The following MPP3 variants were observed in gnomAD, a reference collection of about 807,000 sequenced individuals.
MPP3 encodes MAGUK p55 subfamily member 3.
A neutral mutation model predicts 80.7 loss-of-function variants in MPP3; 48 were observed. The ratio of observed to expected loss-of-function variants is 0.59; its 90% CI spans 0.47 to 0.76. The LOEUF (loss-of-function observed/expected upper bound fraction) is 0.76, where lower values mean the gene tolerates loss of function less well. MPP3 is among the 30% of genes least tolerant of loss of function. The pLI is 0.00. For synonymous variants in MPP3, 311 were observed against 297.6 expected (o/e 1.04, Z -0.46); for missense variants, 620 against 763.0 (o/e 0.81, Z 2.21).
chr17:43,817,855 A>T, intron 12 of MPP3, 191 bp downstream of exon 12: 1 of 425,298 alleles, frequency 2.4e-6, no homozygotes, highest in Non-Finnish European at 4.3e-6. Flanking sequence ...CTCCAAATAT[A>T]CAAGCTCCTC....
At chr17:43,825,983 G>T (rs989866706) in intron 8 of MPP3, 142 bp from the exon 9 acceptor site, 19 of 623,494 alleles carry the variant, frequency 3.0e-5, no homozygotes, top group South Asian at 2.5e-4. Context: ...TGGGACTGGG[G>T]CGAACTAAGC....
At position 43,829,086 on chromosome 17, in the gene MPP3, C is replaced by T. The variant is rs2045843596; in HGVS notation, c.441+568G>A. ...TCATAAACAACGCTGTCCCTTTGCT[C>T]GGTAAATCAATGCTGAACCAGGACC... On this transcript the variant is annotated intron_variant, in intron 7 of 19. Coordinates refer to ENST00000398389, the MANE Select transcript of MPP3 (RefSeq NM_001932.6). 2.0e-5 allele frequency among the ~76,000 whole-genome samples: 3 copies of T among 152,316 alleles called. No individual in the cohort carries two copies. The South Asian group carries it at 6.2e-4, about 32-fold the overall frequency.
At chr17:43,830,680 C>T (rs2045919859) in intron 5 of MPP3, among the ~76,000 whole-genome samples, 1 of 152,214 alleles carries the variant, frequency 6.6e-6, no homozygotes. Flanking sequence ...CCACAAGCTG[C>T]ACTCATCCCT....
At chr17:43,823,565 A>G (rs979190773) in intron 10 of MPP3, among the ~76,000 whole-genome samples, 1 of 152,264 alleles carries the variant, frequency 6.6e-6, no homozygotes, top group Non-Finnish European at 1.5e-5. Context: ...CCTGGCACAG[A>G]GTAGGTGACC....
rs2045880029 is a variant in MPP3 at position 43,829,835 on chromosome 17, C to T, written c.304-44G>A. 2.5e-6 allele frequency: 4 copies of T among 1,611,754 alleles called. No individual in the cohort carries two copies. The East Asian group carries it at 8.9e-5, about 36-fold the overall frequency. ...AAAAGGAAGGCTGGCCCGCCGCTCA[C>T]AGGGTCAGCAGGCCGCAGCTGGCCG... On this transcript the variant is annotated intron_variant, in intron 6 of 19. Coordinates refer to ENST00000398389, the MANE Select transcript of MPP3 (RefSeq NM_001932.6).
At chr17:43,829,538 G>A in intron 7 of MPP3, 116 bp downstream of exon 7, 2 of 1,259,450 alleles carry the variant, frequency 1.6e-6, no homozygotes, top group East Asian at 2.5e-5. Context: ...CAGCAGCGCA[G>A]GCAAAGCTGC....
chr17:43,815,040 C>T (rs556446038), intron 14 of MPP3, among the ~76,000 whole-genome samples: 14 of 152,232 alleles, frequency 9.2e-5, no homozygotes, highest in Admixed American at 3.9e-4. Flanking sequence ...TACTTCAGGA[C>T]AAAAGTTAAG....
chr17:43,807,684 G>A (rs376967488), intron 19 of MPP3, among the ~76,000 whole-genome samples: 2 of 152,026 alleles, frequency 1.3e-5, no homozygotes, highest in African/African-American at 4.8e-5. Flanking sequence ...GACCAGATAC[G>A]GTGGCTCACA....
chr17:43,825,596 AC>A (rs2045656503), intron 9 of MPP3, 159 bp downstream of exon 9: 2 of 584,900 alleles, frequency 3.4e-6, no homozygotes, highest in East Asian at 2.9e-5. Flanking sequence ...GCCACCCCAT[AC>A]CCCGGGCACA....
chr17:43,808,965 T>C lies in MPP3; in HGVS notation c.1572A>G (p.Ala524=). The C allele has an allele frequency of 6.3e-7, 1 of 1,597,952 alleles. No individual in the cohort carries two copies. The highest frequency in any genetic ancestry group is 8.5e-7 in the Non-Finnish European group (1 of 1,176,172). ...PPMSPACEDT[A]APFDEQQQEM... is the part of the protein sequence containing the mutation. ...TCAACTTTAAACTTACAAATGGGGC[T>C]GCTGTGTCCTCACAAGCTGGGGACA... is the stretch of plus-strand genomic sequence containing the variant. The change falls in exon 19 of 20, where the codon GCA becomes GCG. Residue 524 remains alanine (A), a synonymous_variant. Transcript: ENST00000398389.
chr17:43,822,199 C>T (rs577781864), intron 10 of MPP3, among the ~76,000 whole-genome samples: 25 of 152,266 alleles, frequency 1.6e-4, no homozygotes, highest in South Asian at 8.3e-4. Flanking sequence ...GGGATTTAAC[C>T]AAAGAGCACA....
Position 43,808,999 on chromosome 17 carries a change from G to A in MPP3, c.1538C>T (p.Thr513Met), listed in dbSNP as rs202078532. ...CTCACAAGCTGGGGACATAGGTGGC[G>A]TTTTTCTTTTTTCCTGAATTGCAGG... Reference protein sequence around the residue: ...VKPAIQEKRKTPPMSPACEDT... With the variant: ...VKPAIQEKRKMPPMSPACEDT... Residue 513 changes from threonine to methionine, a missense_variant, in exon 19 of 20, where the codon ACG becomes ATG. Transcript: ENST00000398389. 2.3e-4 allele frequency: 372 copies of A among 1,610,816 alleles called. 1 individual carries two copies. The highest frequency in any genetic ancestry group is 6.1e-4 in the South Asian group (55 of 90,172).
intron 14 of MPP3, among the ~76,000 whole-genome samples, chr17:43,814,933 T>C (rs2045043324): frequency 6.6e-6 from 1 of 152,144 alleles, no homozygotes; most frequent in Non-Finnish European, 1.5e-5. Flanking sequence ...GGAAAGGAAA[T>C]TGAGCAAACA....
At chr17:43,812,437 G>A (rs1203474518) in intron 16 of MPP3, among the ~76,000 whole-genome samples, 1 of 152,178 alleles carries the variant, frequency 6.6e-6, no homozygotes, top group African/African-American at 2.4e-5. Context: ...CCCTAGCTGA[G>A]TATCTGAGAC....
intron 19 of MPP3, among the ~76,000 whole-genome samples, chr17:43,803,917 G>C (rs1488448424): frequency 2.0e-5 from 3 of 152,148 alleles, no homozygotes; most frequent in African/African-American, 7.2e-5. Context: ...GCAGCATTCT[G>C]GTGGGCAATA....
At chr17:43,803,255 T>C (rs1012843311) in intron 19 of MPP3, among the ~76,000 whole-genome samples, 1 of 152,152 alleles carries the variant, frequency 6.6e-6, no homozygotes, top group African/African-American at 2.4e-5. Flanking sequence ...CCTGGAAGCA[T>C]TTGGCTATTT....
chr17:43,819,382 C>T (rs2045310651), intron 11 of MPP3, among the ~76,000 whole-genome samples: 1 of 152,180 alleles, frequency 6.6e-6, no homozygotes, highest in Admixed American at 6.5e-5. Context: ...GTACTGCAGC[C>T]TTATAAAAGT....
intron 14 of MPP3, among the ~76,000 whole-genome samples, chr17:43,815,465 G>A (rs1257960388): frequency 1.3e-5 from 2 of 152,096 alleles, no homozygotes; most frequent in African/African-American, 4.8e-5. Context: ...AGCTGGGCAT[G>A]GTGTCAGATG....
intron 19 of MPP3, among the ~76,000 whole-genome samples, chr17:43,806,186 GA>G (rs1207393825): frequency 3.3e-5 from 5 of 151,676 alleles, no homozygotes; most frequent in African/African-American, 1.2e-4. Context: ...ATTTTTTTGA[GA>G]CAGAGTCTTG....
Sources: allele counts gnomAD v4.1 joint callset (sites outside exome capture counted in the v4.1 genomes callset), GRCh38; gene constraint gnomAD v4.1.1; transcripts MANE v1.5; gene names NCBI Gene and HGNC (gene_info 2026-07-23, HGNC 2026-07-21).